FGF14: variants seen among roughly 807,000 people sequenced by gnomAD.
The protein encoded by FGF14 is fibroblast growth factor 14, also known as fibroblast growth factor homologous factor 4.
FGF14 carries 5 observed loss-of-function variants against 25.5 expected under a neutral mutation model. That is an observed-to-expected ratio of 0.20 (90% CI 0.10 to 0.41). The LOEUF is 0.41. FGF14 is among the 10% of genes least tolerant of loss of function. FGF14 has a pLI of 1.00. For missense variants in FGF14, 222 were observed against 320.1 expected, an observed-to-expected ratio of 0.69 and a Z score of 2.34; for synonymous variants, 138 against 118.3, an observed-to-expected ratio of 1.17 and a Z score of -1.08.
intron 1 of FGF14, among the ~76,000 whole-genome samples, chr13:102,271,861 G>A (rs1007440217): frequency 1.3e-5 from 2 of 152,048 alleles, no homozygotes; most frequent in Non-Finnish European, 2.9e-5. Context: ...CCAGGTCACC[G>A]TCGTTTCTCA....
chr13:102,229,135 A>G (rs577217571), intron 1 of FGF14, among the ~76,000 whole-genome samples: 1 of 152,322 alleles, frequency 6.6e-6, no homozygotes, highest in East Asian at 1.9e-4. Flanking sequence ...AGAAGGAGCC[A>G]GTGCTGCCTG....
intron 1 of FGF14, among the ~76,000 whole-genome samples, chr13:102,203,891 G>T (rs2140892536): frequency 6.6e-6 from 1 of 152,300 alleles, no homozygotes; most frequent in African/African-American, 2.4e-5. Flanking sequence ...GCTAATTAAA[G>T]CCTAATTGTT....
intron 1 of FGF14, among the ~76,000 whole-genome samples, chr13:102,330,867 G>T (rs538285950): frequency 6.6e-6 from 1 of 152,204 alleles, no homozygotes; most frequent in South Asian, 2.1e-4. Context: ...ATGAAATCAG[G>T]ATTCTTTGTC....
In FGF14 at chr13:101,731,471, A is replaced by G. The variant is rs374566483; in HGVS notation, c.409-4661T>C. The stretch of plus-strand genomic sequence containing the variant: ...AATCATCAAGTCATAGGATAGAAAA[A>G]TGCAATAATTAAACAGAAATGTTAT... On this transcript the variant is annotated intron_variant, in intron 3 of 4. Coordinates refer to ENST00000376143, the MANE Select transcript of FGF14 (RefSeq NM_004115.4). Among the ~76,000 whole-genome samples, 18 of 152,304 alleles carry G rather than the reference A, an allele frequency of 1.2e-4. No homozygotes were observed. In the East Asian group the frequency reaches 3.5e-3, roughly 29 times the overall value.
At chr13:102,388,643 T>C (rs917794033) in intron 1 of FGF14, among the ~76,000 whole-genome samples, 2 of 152,214 alleles carry the variant, frequency 1.3e-5, no homozygotes, top group Admixed American at 6.5e-5. Flanking sequence ...CCTGCTCATA[T>C]TACATACCCA....
chr13:102,152,398 C>T (rs985578394), intron 1 of FGF14, among the ~76,000 whole-genome samples: 4 of 152,146 alleles, frequency 2.6e-5, no homozygotes, highest in South Asian at 2.1e-4. Context: ...AAGCTTCCCT[C>T]CTTGGTTTGT....
At chr13:101,830,497 T>C (rs576891663) in intron 3 of FGF14, among the ~76,000 whole-genome samples, 1 of 152,180 alleles carries the variant, frequency 6.6e-6, no homozygotes, top group African/African-American at 2.4e-5. Flanking sequence ...CGGTTGTACA[T>C]GGGCTGAGAT....
At chr13:102,320,461 G>A (rs7986060) in intron 1 of FGF14, among the ~76,000 whole-genome samples, 53,608 of 151,982 alleles carry the variant, frequency 0.35, 9,856 homozygotes, top group Middle Eastern at 0.47. Context: ...ACTGCATCCT[G>A]AGTCTCTGCT....
chr13:101,924,437 A>G lies in FGF14; in HGVS notation c.209-49141T>C, dbSNP rs573475316. Among the ~76,000 whole-genome samples, 9 of 152,310 alleles carry G rather than the reference A, an allele frequency of 5.9e-5. No individual in the cohort carries two copies. The South Asian group carries it at 1.9e-3, about 32-fold the overall frequency. The stretch of plus-strand genomic sequence containing the variant: ...TCTGACTCTGTTAAAGGTAATTAAA[A>G]TAGTGATTTTTTTAAAAAAGCCATT... On this transcript the variant is annotated intron_variant, in intron 1 of 4. Coordinates refer to the FGF14 transcript ENST00000376131.
intron 1 of FGF14, among the ~76,000 whole-genome samples, chr13:102,102,679 C>T (rs1466609899): frequency 6.6e-6 from 1 of 152,220 alleles, no homozygotes; most frequent in Non-Finnish European, 1.5e-5. Context: ...AATACCACTA[C>T]TGATAGTTTG....
chr13:102,018,992 A>T (rs2040493263), intron 1 of FGF14, among the ~76,000 whole-genome samples: 1 of 152,152 alleles, frequency 6.6e-6, no homozygotes, highest in Admixed American at 6.6e-5. Flanking sequence ...ATTATAATCT[A>T]CCACATTCAA....
At chr13:102,378,627 C>CTA (rs1268202617) in intron 1 of FGF14, among the ~76,000 whole-genome samples, 3,803 of 132,526 alleles carry the variant, frequency 0.029, 58 homozygotes, top group Non-Finnish European at 0.039. Context: ...ATCTATCTAT[C>CTA]TATCTATATA....
chr13:102,075,532 T>C (rs1400107439), intron 1 of FGF14, among the ~76,000 whole-genome samples: 1 of 152,210 alleles, frequency 6.6e-6, no homozygotes, highest in African/African-American at 2.4e-5. Context: ...CACATGCAAT[T>C]ATGTACAGCA....
intron 1 of FGF14, among the ~76,000 whole-genome samples, chr13:102,371,308 C>G (rs1185755936): frequency 6.6e-6 from 1 of 152,172 alleles, no homozygotes; most frequent in Non-Finnish European, 1.5e-5. Flanking sequence ...CCCATGCCAT[C>G]TTCTCACTGG....
At chr13:102,208,549 T>C (rs1401633559) in intron 1 of FGF14, among the ~76,000 whole-genome samples, 1 of 152,152 alleles carries the variant, frequency 6.6e-6, no homozygotes, top group Non-Finnish European at 1.5e-5. Flanking sequence ...TGAACTGTAG[T>C]TTGCTTTTCC....
intron 3 of FGF14, among the ~76,000 whole-genome samples, chr13:101,807,974 T>C (rs1201491537): frequency 1.3e-5 from 2 of 152,034 alleles, no homozygotes; most frequent in African/African-American, 4.8e-5. Flanking sequence ...ATTATTTGTG[T>C]CTGAGTGGAT....
chr13:102,176,132 G>A (rs2124987), intron 1 of FGF14, among the ~76,000 whole-genome samples: 4,823 of 152,184 alleles, frequency 0.032, 271 homozygotes, highest in African/African-American at 0.11. Flanking sequence ...GTTTATCGCT[G>A]CACTGTTCAC....
At chr13:102,258,137 A>T (rs376209228) in intron 1 of FGF14, among the ~76,000 whole-genome samples, 1 of 152,136 alleles carries the variant, frequency 6.6e-6, no homozygotes, top group Admixed American at 6.5e-5. Flanking sequence ...ATCTTGTAAG[A>T]CTTCTTCACT....
At chr13:102,111,467 C>A (rs551263199) in intron 1 of FGF14, among the ~76,000 whole-genome samples, 1 of 152,286 alleles carries the variant, frequency 6.6e-6, no homozygotes, top group South Asian at 2.1e-4. Flanking sequence ...GTAATCCCAA[C>A]ACTTTGGGAG....
Sources: allele counts gnomAD v4.1 joint callset (sites outside exome capture counted in the v4.1 genomes callset), GRCh38; gene constraint gnomAD v4.1.1; transcripts MANE v1.5; gene names NCBI Gene and HGNC (gene_info 2026-07-23, HGNC 2026-07-21).